The following AFAP1L2 variants were observed in gnomAD, a reference collection of about 807,000 sequenced individuals.
AFAP1L2 encodes the protein actin filament associated protein 1 like 2.
Under a neutral mutation model 99.3 loss-of-function variants are expected in AFAP1L2, and 46 were observed. The ratio of observed to expected loss-of-function variants is 0.46; its 90% CI spans 0.37 to 0.59. AFAP1L2 has a LOEUF of 0.59. Among genes scored for constraint, AFAP1L2 ranks in the 20% least tolerant of loss-of-function variants. AFAP1L2 has a pLI of 0.00. For missense variants in AFAP1L2, 959 were observed against 1,034.9 expected (o/e 0.93, Z 1.01); for synonymous variants, 397 against 419.1 (o/e 0.95, Z 0.64).
At chr10:114,363,010 C>G (rs2052662356) in intron 1 of AFAP1L2, 1 of 985,276 alleles carries the variant, frequency 1.0e-6, no homozygotes, top group Admixed American at 6.2e-5. Context: ...TGGGGAGGGA[C>G]AGCTGCATGG....
chr10:114,386,082 G>C (rs1406009342), intron 1 of AFAP1L2, among the ~76,000 whole-genome samples: 1 of 152,204 alleles, frequency 6.6e-6, no homozygotes, highest in Non-Finnish European at 1.5e-5. Flanking sequence ...CCACCATCCA[G>C]TAGTAACAGC....
At chr10:114,289,259 G>T in the AFAP1L2 span, 2 of 1,614,168 alleles carry the variant, frequency 1.2e-6, no homozygotes, top group Non-Finnish European at 1.7e-6. Context: ...GCCCGGCCTG[G>T]TGTCCCCAAA....
intron 8 of AFAP1L2, 139 bp downstream of exon 8, chr10:114,310,215 A>C (rs1057162973): frequency 1.1e-6 from 1 of 881,522 alleles, no homozygotes; most frequent in Non-Finnish European, 1.7e-6. Context: ...GCGTGAGCCC[A>C]CCCTGCCCGG....
At chr10:114,287,417 G>A in the AFAP1L2 span, among the ~76,000 whole-genome samples, 37 of 152,222 alleles carry the variant, frequency 2.4e-4, no homozygotes, top group African/African-American at 7.0e-4. Flanking sequence ...CTGGGCTCAA[G>A]CAATCCACCC....
intron 8 of AFAP1L2, among the ~76,000 whole-genome samples, chr10:114,309,997 A>G (rs2042979890): frequency 6.6e-6 from 1 of 151,990 alleles, no homozygotes; most frequent in African/African-American, 2.4e-5. Context: ...GCGCTATCTC[A>G]GCTCACTGCA....
chr10:114,382,595 T>C (rs1276430537), intron 1 of AFAP1L2, among the ~76,000 whole-genome samples: 1 of 145,792 alleles, frequency 6.9e-6, no homozygotes, highest in Non-Finnish European at 1.5e-5. Flanking sequence ...TCTCTTTTTT[T>C]TTTTTTTTTT....
chr10:114,386,873 T>C (rs1424078663), intron 1 of AFAP1L2, among the ~76,000 whole-genome samples: 1 of 152,196 alleles, frequency 6.6e-6, no homozygotes, highest in Non-Finnish European at 1.5e-5. Flanking sequence ...CTTCGCAAAA[T>C]GAGGGCACTC....
intron 1 of AFAP1L2, among the ~76,000 whole-genome samples, chr10:114,394,297 C>A (rs1007910176): frequency 5.3e-5 from 8 of 152,188 alleles, no homozygotes; most frequent in African/African-American, 1.9e-4. Flanking sequence ...GAGGCCTGCA[C>A]TTCTAGGAGG....
At chr10:114,326,961 C>A (rs1244987960) in intron 4 of AFAP1L2, among the ~76,000 whole-genome samples, 1 of 150,224 alleles carries the variant, frequency 6.7e-6, no homozygotes, top group African/African-American at 2.4e-5. Context: ...ACAGAGGAGA[C>A]CATAGGGTGG....
At chr10:114,298,047 C>T (rs1179645821) in intron 16 of AFAP1L2, among the ~76,000 whole-genome samples, 1 of 152,144 alleles carries the variant, frequency 6.6e-6, no homozygotes, top group Non-Finnish European at 1.5e-5. Context: ...GAAAAGAAAA[C>T]GTATACTAAT....
At position 114,295,386 on chromosome 10, in the gene AFAP1L2, G is replaced by C; in HGVS notation, c.*656C>G. 3.0e-6 allele frequency: 3 copies of C among 985,664 alleles called. No homozygotes were observed. The highest frequency in any genetic ancestry group is 3.6e-6 in the Non-Finnish European group (3 of 829,768). 61.1% of individuals were successfully genotyped at this position (985,664 alleles called of 1,614,324 possible). A position where few individuals can be genotyped will look rare whatever the true frequency, so the allele number is the denominator to read the frequency against. ...AGACAGTTGATTCAGGCCTGCCTTG[G>C]ACTGGAAAGAAGTCTTTAACTTAGT... On this transcript the variant is annotated 3_prime_UTR_variant, in exon 19 of 19. Transcript: ENST00000304129.
chr10:114,292,283 GA>G (rs944589302), downstream of AFAP1L2, among the ~76,000 whole-genome samples: 1 of 151,502 alleles, frequency 6.6e-6, no homozygotes, highest in Non-Finnish European at 1.5e-5. Flanking sequence ...GTCTCAAAAA[GA>G]AAAAAATGTA....
At chr10:114,363,357 A>G (rs967340309) in intron 1 of AFAP1L2, among the ~76,000 whole-genome samples, 2 of 152,156 alleles carry the variant, frequency 1.3e-5, no homozygotes, top group Non-Finnish European at 2.9e-5. Flanking sequence ...CCACTGTGCC[A>G]TTCTTGAGAG....
intron 1 of AFAP1L2, among the ~76,000 whole-genome samples, chr10:114,361,989 T>G (rs1471853243): frequency 6.6e-6 from 1 of 152,166 alleles, no homozygotes. Flanking sequence ...GCTATTCAAT[T>G]TTTTCTTTCT....
intron 1 of AFAP1L2, among the ~76,000 whole-genome samples, chr10:114,383,368 A>G (rs113304421): frequency 0.014 from 2,124 of 152,142 alleles, 56 homozygotes; most frequent in African/African-American, 0.048. Flanking sequence ...GGGAGGGAAC[A>G]CAAGAAGGGT....
At position 114,297,259 on chromosome 10, in the gene AFAP1L2, G is replaced by A; in HGVS notation, c.2268C>T (p.Thr756=). Residue 756 remains threonine, a synonymous_variant, in exon 17 of 19, where the codon ACC becomes ACT. Transcript: ENST00000304129. ...TCTCCAGGTGGGTGGTGTCCACGGTGGTGCCTAACGTCACAGGCCCTGCCT... is the reference window on the plus strand; with the variant it reads ...TCTCCAGGTGGGTGGTGTCCACGGTAGTGCCTAACGTCACAGGCCCTGCCT... ...KAEAGPVTLG[T]TVDTTHLENV... The A allele has an allele frequency of 3.1e-6, 5 of 1,614,006 alleles. No homozygotes were observed. Among genetic ancestry groups the A allele is most frequent in the Non-Finnish European group, 4.2e-6 (5 of 1,179,986 alleles).
chr10:114,300,226 G>C lies in AFAP1L2; in HGVS notation c.1925C>G (p.Pro642Arg). The C allele has an allele frequency of 6.2e-7, 1 of 1,614,176 alleles. No homozygotes were observed. Residue 642 changes from proline to arginine, a missense_variant, in exon 15 of 19, where the codon CCT becomes CGT. This residue lies in a region of AFAP1L2 where 576 missense variants were observed against 562.1 expected (regional missense o/e 1.02). Coordinates refer to ENST00000304129, the MANE Select transcript of AFAP1L2 (RefSeq NM_001001936.3). ...GGTCACGCGCAACCTGTCCTTCACA[G>C]GTGGGCTGGCACCAGGTGGGGTGGC... The part of the protein sequence containing the change: ...VVATPPGASP[P>R]VKDRLRVTSA...
intron 1 of AFAP1L2, among the ~76,000 whole-genome samples, chr10:114,358,334 T>C (rs754162713): frequency 6.6e-6 from 1 of 152,198 alleles, no homozygotes; most frequent in Non-Finnish European, 1.5e-5. Context: ...AAATTGCTTT[T>C]ATTAATAATA....
intron 10 of AFAP1L2, 127 bp downstream of exon 10, chr10:114,307,678 G>T: frequency 2.8e-6 from 2 of 726,370 alleles, no homozygotes; most frequent in South Asian, 1.7e-5. Flanking sequence ...AGGGCTGCAG[G>T]CTCTCCATTC....
Sources: allele counts gnomAD v4.1 joint callset (sites outside exome capture counted in the v4.1 genomes callset), GRCh38; gene constraint gnomAD v4.1.1; regional missense constraint gnomAD v4.1.1; transcripts MANE v1.5; gene names NCBI Gene and HGNC (gene_info 2026-07-23, HGNC 2026-07-21).